Variants in CNTLN observed in about 807,000 individuals in gnomAD.
CNTLN encodes the protein centlein, centrosomal protein.
Under a neutral mutation model 180.0 loss-of-function variants are expected in CNTLN, and 212 were observed. The ratio of observed to expected loss-of-function variants is 1.18; its 90% CI spans 1.05 to 1.32. CNTLN has a LOEUF of 1.32. CNTLN is among the 40% of genes most tolerant of loss of function. The pLI, the probability that CNTLN is intolerant of heterozygous loss-of-function variation, is 0.00. For missense variants in CNTLN, 2,095 were observed against 1,610.9 expected (o/e 1.30, Z -5.14); for synonymous variants, 722 against 563.1 (o/e 1.28, Z -3.99).
chr9:17,150,449 T>A (rs910268131), intron 2 of CNTLN, among the ~76,000 whole-genome samples: 4 of 152,228 alleles, frequency 2.6e-5, no homozygotes, highest in Non-Finnish European at 4.4e-5. Context: ...TTGTCAAAGA[T>A]CAGATGGTTG....
At chr9:17,331,952 C>T (rs1820672845) in intron 9 of CNTLN, among the ~76,000 whole-genome samples, 1 of 151,884 alleles carries the variant, frequency 6.6e-6, no homozygotes, top group Admixed American at 6.6e-5. Context: ...GTATTATGGC[C>T]AAAATTTTCT....
chr9:17,493,805 T>C (rs1316886743), intron 25 of CNTLN, among the ~76,000 whole-genome samples: 1 of 152,234 alleles, frequency 6.6e-6, no homozygotes, highest in African/African-American at 2.4e-5. Flanking sequence ...CAGTAACTGC[T>C]GAAGAAATCC....
chr9:17,401,170 A>G (rs1338430993), intron 15 of CNTLN, among the ~76,000 whole-genome samples: 1 of 152,148 alleles, frequency 6.6e-6, no homozygotes, highest in Non-Finnish European at 1.5e-5. Flanking sequence ...AGAACTTTGC[A>G]TATAGTTAGT....
chr9:17,440,337 G>C (rs1830029143), intron 18 of CNTLN, among the ~76,000 whole-genome samples: 1 of 151,490 alleles, frequency 6.6e-6, no homozygotes, highest in African/African-American at 2.4e-5. Context: ...ACTTTGGGAG[G>C]CCGAGGCGGG....
intron 23 of CNTLN, among the ~76,000 whole-genome samples, chr9:17,473,793 A>T (rs1832172079): frequency 6.6e-6 from 1 of 152,130 alleles, no homozygotes; most frequent in Non-Finnish European, 1.5e-5. Context: ...AAAGTAGTTT[A>T]TTCAAAGTCA....
chr9:17,454,200 T>C (rs934231779), intron 18 of CNTLN, among the ~76,000 whole-genome samples: 6 of 152,210 alleles, frequency 3.9e-5, no homozygotes, highest in Admixed American at 3.9e-4. Flanking sequence ...CAGGGATTTA[T>C]GCTTCCTCAA....
intron 23 of CNTLN, among the ~76,000 whole-genome samples, chr9:17,476,252 C>T (rs1832337758): frequency 6.6e-6 from 1 of 152,102 alleles, no homozygotes; most frequent in South Asian, 2.1e-4. Flanking sequence ...TCTGACTGTT[C>T]CGCCCAACTG....
chr9:17,507,674 G>A (rs903640493), downstream of CNTLN, among the ~76,000 whole-genome samples: 1 of 152,054 alleles, frequency 6.6e-6, no homozygotes, highest in African/African-American at 2.4e-5. Context: ...CCTGTGACAT[G>A]AAATCTTTCA....
chr9:17,405,238 C>A (rs1587905500), intron 15 of CNTLN, among the ~76,000 whole-genome samples: 1 of 151,680 alleles, frequency 6.6e-6, no homozygotes, highest in South Asian at 2.1e-4. Flanking sequence ...TTGTGACATT[C>A]CCCCTCAGTC....
chr9:17,510,340 G>A, the CNTLN span, among the ~76,000 whole-genome samples: 6 of 152,304 alleles, frequency 3.9e-5, no homozygotes, highest in African/African-American at 1.2e-4. Flanking sequence ...ATTTATCTGA[G>A]TATTTCCTCC....
chr9:17,301,263 C>G (rs375146657), intron 7 of CNTLN: 1 of 985,238 alleles, frequency 1.0e-6, no homozygotes, highest in Admixed American at 6.1e-5. Context: ...CTTGCCGTAA[C>G]CTAAATTGTG....
At chr9:17,399,050 T>C (rs1826760177) in intron 15 of CNTLN, among the ~76,000 whole-genome samples, 1 of 152,168 alleles carries the variant, frequency 6.6e-6, no homozygotes, top group Non-Finnish European at 1.5e-5. Flanking sequence ...ACCATTAGTT[T>C]TCCATATATT....
chr9:17,301,569 T>C, intron 7 of CNTLN: 4 of 984,842 alleles, frequency 4.1e-6, no homozygotes, highest in Non-Finnish European at 3.6e-6. Flanking sequence ...AGTAGGGGGC[T>C]TCACTGATAC....
At chr9:17,152,876 C>T (rs987132096) in intron 2 of CNTLN, among the ~76,000 whole-genome samples, 8 of 151,264 alleles carry the variant, frequency 5.3e-5, no homozygotes, top group Non-Finnish European at 1.0e-4. Flanking sequence ...TAGGATAGTT[C>T]ACTCTTGCTG....
chr9:17,519,960 G>T, the CNTLN span, among the ~76,000 whole-genome samples: 1 of 152,238 alleles, frequency 6.6e-6, no homozygotes, highest in African/African-American at 2.4e-5. Context: ...GGGCAGTGCA[G>T]CCAGCCTTCT....
intron 18 of CNTLN, among the ~76,000 whole-genome samples, chr9:17,430,472 A>G (rs1272568253): frequency 6.6e-6 from 1 of 152,070 alleles, no homozygotes; most frequent in Admixed American, 6.6e-5. Context: ...ATTTTGTTAC[A>G]TGCATACAAT....
chr9:17,474,643 T>A (rs1588075858), intron 23 of CNTLN, among the ~76,000 whole-genome samples: 2 of 151,926 alleles, frequency 1.3e-5, no homozygotes, highest in South Asian at 2.1e-4. Context: ...CCGAGGTGGG[T>A]GGATCACTTG....
chr9:17,354,602 A>G (rs1174563818), intron 12 of CNTLN, among the ~76,000 whole-genome samples: 1 of 152,184 alleles, frequency 6.6e-6, no homozygotes, highest in East Asian at 1.9e-4. Flanking sequence ...TGTGGAAACT[A>G]TATCTAACTA....
chr9:17,136,956 C>T (rs1015400195), intron 1 of CNTLN, among the ~76,000 whole-genome samples: 56 of 152,124 alleles, frequency 3.7e-4, no homozygotes, highest in African/African-American at 1.3e-3. Context: ...CTCTTTCCTC[C>T]CACTTCTGCC....
Sources: gnomAD v4.1 joint callset for allele counts (sites outside exome capture counted in the v4.1 genomes callset) on GRCh38, gnomAD v4.1.1 for gene constraint, MANE v1.5 for transcripts, NCBI Gene and HGNC (gene_info 2026-07-23, HGNC 2026-07-21) for gene names.